The following LAMA3 variants were observed in gnomAD, a reference collection of about 807,000 sequenced individuals.
The protein encoded by LAMA3 is laminin subunit alpha-3.
In LAMA3, 281 loss-of-function variants were observed where a neutral mutation model predicts 402.0. The ratio of observed to expected loss-of-function variants is 0.70; its 90% CI spans 0.63 to 0.77. The LOEUF (loss-of-function observed/expected upper bound fraction) is 0.77, where lower values mean the gene tolerates loss of function less well. Ranked by LOEUF, LAMA3 falls within the 30% of genes least tolerant of loss-of-function variation. The pLI, the probability that LAMA3 is intolerant of heterozygous loss-of-function variation, is 0.00. For missense variants in LAMA3, 3,840 were observed against 4,215.5 expected (o/e 0.91, Z 2.47); for synonymous variants, 1,431 against 1,558.4 (o/e 0.92, Z 1.93).
At chr18:23,937,688 GC>G (rs1422993645) in intron 67 of LAMA3, among the ~76,000 whole-genome samples, 1 of 152,162 alleles carries the variant, frequency 6.6e-6, no homozygotes, top group Non-Finnish European at 1.5e-5. Flanking sequence ...AGGGAGCAAG[GC>G]CCACTGGTAT....
chr18:23,951,903 C>T (rs931128428), intron 73 of LAMA3, 126 bp downstream of exon 73: 1 of 732,104 alleles, frequency 1.4e-6, no homozygotes, highest in African/African-American at 1.7e-5. Context: ...GCCCCCGAGG[C>T]TAACGTGTCC....
chr18:23,783,689 G>A (rs1032097842), intron 11 of LAMA3, among the ~76,000 whole-genome samples: 3 of 152,200 alleles, frequency 2.0e-5, no homozygotes, highest in Non-Finnish European at 4.4e-5. Flanking sequence ...TTTAATTCAC[G>A]ATTGTCATGA....
intron 12 of LAMA3, among the ~76,000 whole-genome samples, chr18:23,802,056 G>A (rs959871679): frequency 6.6e-6 from 1 of 152,156 alleles, no homozygotes; most frequent in African/African-American, 2.4e-5. Context: ...GGTATAAGTT[G>A]AGCATCCCAA....
chr18:23,700,736 C>T (rs942403454), intron 1 of LAMA3, among the ~76,000 whole-genome samples: 18 of 151,998 alleles, frequency 1.2e-4, no homozygotes, highest in African/African-American at 3.6e-4. Context: ...CTCACTCTGT[C>T]GCCTGGGCTC....
chr18:23,940,579 A>G (rs528909831), intron 68 of LAMA3, among the ~76,000 whole-genome samples: 1 of 152,232 alleles, frequency 6.6e-6, no homozygotes, highest in African/African-American at 2.4e-5. Flanking sequence ...GGGCTCGATG[A>G]TGCTTTTCTT....
At chr18:23,690,253 C>T (rs1171431456) in intron 1 of LAMA3, among the ~76,000 whole-genome samples, 4 of 152,318 alleles carry the variant, frequency 2.6e-5, no homozygotes, top group African/African-American at 9.6e-5. Context: ...AAGTGTGAGG[C>T]TGCGCTCTAA....
intron 12 of LAMA3, among the ~76,000 whole-genome samples, chr18:23,788,527 A>G (rs1358558981): frequency 6.6e-6 from 1 of 151,976 alleles, no homozygotes; most frequent in East Asian, 1.9e-4. Context: ...ACAGAAAATA[A>G]AATGCAAAAG....
chr18:23,914,205 C>T (rs2081530344), intron 56 of LAMA3, among the ~76,000 whole-genome samples: 1 of 152,162 alleles, frequency 6.6e-6, no homozygotes, highest in Non-Finnish European at 1.5e-5. Flanking sequence ...TAAATGAGTG[C>T]CCTATAACAT....
intron 31 of LAMA3, 26 bp from the exon 32 acceptor site, chr18:23,847,438 A>G: frequency 6.2e-7 from 1 of 1,605,770 alleles, no homozygotes; most frequent in East Asian, 2.2e-5. Context: ...TGACCCTCAC[A>G]TGGTATTTCT....
intron 70 of LAMA3, among the ~76,000 whole-genome samples, chr18:23,948,107 C>A (rs73967641): frequency 2.6e-4 from 39 of 152,068 alleles, no homozygotes; most frequent in Admixed American, 9.2e-4. Flanking sequence ...CCACCGTGCC[C>A]GGCCCCTATT....
chr18:23,699,449 A>G (rs1048979311), intron 1 of LAMA3, among the ~76,000 whole-genome samples: 1 of 152,248 alleles, frequency 6.6e-6, no homozygotes, highest in Non-Finnish European at 1.5e-5. Flanking sequence ...GGTTAAAATA[A>G]TAACTGAAAT....
intron 6 of LAMA3, among the ~76,000 whole-genome samples, chr18:23,757,944 A>G (rs1323984630): frequency 6.6e-6 from 1 of 152,268 alleles, no homozygotes; most frequent in Non-Finnish European, 1.5e-5. Context: ...TGGGTAAAGC[A>G]TGACCACAGG....
In LAMA3 at chr18:23,858,733, A is replaced by T; in HGVS notation, c.4326A>T (p.Ser1442=). The change falls in exon 34 of 75, where the codon TCA becomes TCT. Residue 1442 remains serine, a synonymous_variant. Transcript: ENST00000313654. ...GTECNVCREG[S]FHLDPANLKG... ...AGTGTAATGTGTGTCGAGAAGGCTC[A>T]TTCCATTTGGACCCAGCCAATCTCA... 6.2e-7 allele frequency: 1 copy of T among 1,614,078 alleles called. No homozygotes were observed. The highest frequency in any genetic ancestry group is 8.5e-7 in the Non-Finnish European group (1 of 1,179,902).
chr18:23,768,471 T>C (rs1050081235), intron 8 of LAMA3, among the ~76,000 whole-genome samples: 3 of 152,192 alleles, frequency 2.0e-5, no homozygotes, highest in Non-Finnish European at 4.4e-5. Context: ...ATGGCTATTA[T>C]TAAAAAGTCA....
chr18:23,724,389 A>C lies in LAMA3; in HGVS notation c.447+10317A>C, dbSNP rs372160747. On this transcript the variant is annotated intron_variant, in intron 2 of 74. Transcript: ENST00000313654. ...GAACAATGATTTCTGGTAGAATCTG[A>C]GTTATCAATGAAAAAGCTTCCTTGG... Among the ~76,000 whole-genome samples the C allele has an allele frequency of 2.0e-4, 31 of 152,292 alleles. No individual in the cohort carries two copies. The South Asian group carries it at 6.4e-3, about 32-fold the overall frequency.
rs368448744 is a variant in LAMA3 at position 23,751,014 on chromosome 18, C to A, written c.781C>A (p.Arg261Ser). ...EFTKATNIRL[R>S]FLRTNTLLGH... is the part of the protein sequence containing the mutation. ...TACCAAGGCAACAAACATCCGCTTGCGTTTTCTTAGAACCAATACGCTTCT... is the reference window on the plus strand; with the variant it reads ...TACCAAGGCAACAAACATCCGCTTGAGTTTTCTTAGAACCAATACGCTTCT... The change falls in exon 5 of 75, where the codon CGT (arginine) becomes AGT (serine). Residue 261 changes from arginine (R) to serine (S), a missense_variant. By Grantham distance (110) the Arg-to-Ser change is moderately radical (BLOSUM62 -1). Transcript: ENST00000313654. 2 of 1,614,158 alleles carry A rather than the reference C, an allele frequency of 1.2e-6. No individual in the cohort carries two copies. The highest frequency in any genetic ancestry group is 1.7e-6 in the Non-Finnish European group (2 of 1,180,022).
At chr18:23,915,138 C>T (rs1389483272) in intron 58 of LAMA3, 151 bp from the exon 59 acceptor site, 2 of 883,336 alleles carry the variant, frequency 2.3e-6, no homozygotes, top group East Asian at 5.3e-5. Context: ...AGTCATACAG[C>T]TAGTAAATAG....
rs1462169178 is a variant in LAMA3 at position 23,838,856 on chromosome 18, T to C, written c.3169T>C (p.Tyr1057His). Residue 1057 changes from tyrosine to histidine, a missense_variant, in exon 26 of 75, where the codon TAT becomes CAT. Tyr to His is a moderately conservative substitution (Grantham distance 83). This residue lies in a region of LAMA3 where 2,109 missense variants were observed against 2,376.0 expected (regional missense o/e 0.89). Coordinates refer to ENST00000313654, the MANE Select transcript of LAMA3 (RefSeq NM_198129.4). ...VRPQVHCIAS[Y>H]GRFVNQSATC... Reference sequence around the variant, plus strand: ...ACCACAAGTCCACTGCATTGCCAGTTATGGGCGATTTGTCAATCAAAGGTA... The same window carrying C: ...ACCACAAGTCCACTGCATTGCCAGTCATGGGCGATTTGTCAATCAAAGGTA... 1 of 1,607,682 alleles carries C rather than the reference T, an allele frequency of 6.2e-7. No individual in the cohort carries two copies. Among genetic ancestry groups the C allele is most frequent in the Non-Finnish European group, 8.5e-7 (1 of 1,174,170 alleles).
intron 67 of LAMA3, among the ~76,000 whole-genome samples, chr18:23,935,721 A>G (rs1210147703): frequency 6.6e-6 from 1 of 152,196 alleles, no homozygotes; most frequent in Admixed American, 6.5e-5. Context: ...ATAAACACAA[A>G]ATACTTAGAA....
Sources: allele counts gnomAD v4.1 joint callset (sites outside exome capture counted in the v4.1 genomes callset), GRCh38; gene constraint gnomAD v4.1.1; regional missense constraint gnomAD v4.1.1; transcripts MANE v1.5; gene names NCBI Gene and HGNC (gene_info 2026-07-23, HGNC 2026-07-21).